The following LRP1B variants were observed in gnomAD, a reference collection of about 807,000 sequenced individuals.
LRP1B encodes the protein low-density lipoprotein receptor-related protein 1B.
LRP1B carries 217 observed loss-of-function variants against 556.6 expected under a neutral mutation model. The ratio of observed to expected loss-of-function variants is 0.39; its 90% CI spans 0.35 to 0.44. The LOEUF is 0.44. Among genes scored for constraint, LRP1B ranks in the 20% least tolerant of loss-of-function variants. The probability of loss-of-function intolerance (pLI) is 1.00; values close to 1 mark genes in which losing one functional copy is unlikely to be tolerated. For synonymous variants in LRP1B, 2,047 were observed against 1,865.8 expected, an observed-to-expected ratio of 1.10 and a Z score of -2.50; for missense variants, 5,053 against 5,620.8, an observed-to-expected ratio of 0.90 and a Z score of 3.23.
At chr2:140,657,656 C>CAT (rs1487642031) in intron 41 of LRP1B, among the ~76,000 whole-genome samples, 1 of 141,062 alleles carries the variant, frequency 7.1e-6, no homozygotes, top group Non-Finnish European at 1.5e-5. Context: ...TATATACATA[C>CAT]ATATATATAC....
intron 7 of LRP1B, among the ~76,000 whole-genome samples, chr2:141,168,147 A>G (rs563094703): frequency 6.6e-6 from 1 of 152,086 alleles, no homozygotes; most frequent in Non-Finnish European, 1.5e-5. Context: ...ACTTCAGCAC[A>G]TTTTATCCAT....
rs114000991 is a variant in LRP1B at position 140,561,300 on chromosome 2, C to G, written c.7195-19329G>C. ...AGAGATCCTGCCCCATACCGACACA[C>G]AGAATCCAAAAAGAATCTGACCACA... On this transcript the variant is annotated intron_variant, in intron 43 of 90. Coordinates refer to ENST00000389484, the MANE Select transcript of LRP1B (RefSeq NM_018557.3). Among the ~76,000 whole-genome samples the G allele has an allele frequency of 6.6e-3, 998 of 152,268 alleles. 8 individuals carry two copies. The highest frequency in any genetic ancestry group is 0.017 in the African/African-American group (694 of 41,558).
chr2:141,195,040 G>C (rs559570461), intron 6 of LRP1B, among the ~76,000 whole-genome samples: 12 of 152,206 alleles, frequency 7.9e-5, no homozygotes, highest in African/African-American at 2.4e-4. Flanking sequence ...CCTTTTAAGA[G>C]ATGAAGCTTA....
chr2:141,785,139 A>G (rs373936509), intron 2 of LRP1B, among the ~76,000 whole-genome samples: 23 of 152,080 alleles, frequency 1.5e-4, no homozygotes, highest in African/African-American at 5.5e-4. Context: ...CAAATGACAC[A>G]TATCACTTCT....
chr2:140,314,915 A>C lies in LRP1B; in HGVS notation c.12805+20T>G, dbSNP rs750498360. 4 of 1,547,232 alleles carry C rather than the reference A, an allele frequency of 2.6e-6. No homozygotes were observed. The East Asian group carries it at 9.3e-5, about 36-fold the overall frequency. On this transcript the variant is annotated intron_variant, in intron 83 of 90. Transcript: ENST00000389484. ...GAAAAGTGAAAAAGATGTGAAATAC[A>C]ATGACAATGAAATATTTACCTAGAA...
At chr2:140,420,853 G>A (rs1685409490) in intron 66 of LRP1B, among the ~76,000 whole-genome samples, 1 of 152,264 alleles carries the variant, frequency 6.6e-6, no homozygotes, top group Middle Eastern at 3.4e-3. Context: ...GGAAGCAGTG[G>A]GAGGGAAATT....
rs780939740 is a variant in LRP1B at position 140,475,206 on chromosome 2, C to T, written c.9557G>A (p.Arg3186His). ...ATTTTCATCGGCCCAGTAGAGTCTA[C>T]GATTAACATAATCTATTGTTAGTGC... ...PMALTIDYVN[R>H]RLYWADENHI... The change falls in exon 60 of 91, where the codon CGT becomes CAT. Residue 3186 changes from arginine to histidine, a missense_variant. Physicochemically the swap from Arg to His is conservative, Grantham distance 29. This residue lies in a region of LRP1B where 3,619 missense variants were observed against 3,931.9 expected (regional missense o/e 0.92). Transcript: ENST00000389484. The T allele has an allele frequency of 8.7e-6, 14 of 1,611,220 alleles. No homozygotes were observed. The highest frequency in any genetic ancestry group is 2.7e-5 in the African/African-American group (2 of 74,798).
chr2:140,809,702 G>T (rs1361787854), intron 32 of LRP1B, among the ~76,000 whole-genome samples: 1 of 152,166 alleles, frequency 6.6e-6, no homozygotes, highest in Non-Finnish European at 1.5e-5. Context: ...GTCTCACATG[G>T]TTTCTGTGGG....
intron 77 of LRP1B, among the ~76,000 whole-genome samples, chr2:140,340,922 AT>A (rs1681359107): frequency 6.6e-6 from 1 of 151,538 alleles, no homozygotes; most frequent in East Asian, 1.9e-4. Context: ...TCTTTATATA[AT>A]CATTTTGCAA....
At chr2:140,716,982 A>AT (rs1362625649) in intron 35 of LRP1B, among the ~76,000 whole-genome samples, 166 bp from the exon 36 acceptor site, 1 of 152,088 alleles carries the variant, frequency 6.6e-6, no homozygotes, top group African/African-American at 2.4e-5. Flanking sequence ...GTAAAAAAAA[A>AT]GCATGAAAAG....
chr2:142,130,484 G>A (rs922166495), intron 1 of LRP1B, among the ~76,000 whole-genome samples, 164 bp downstream of exon 1: 1 of 152,166 alleles, frequency 6.6e-6, no homozygotes, highest in African/African-American at 2.4e-5. Context: ...CAGAAATCCC[G>A]CACCGCACCT....
At chr2:141,459,141 A>G (rs1681756311) in intron 3 of LRP1B, among the ~76,000 whole-genome samples, 1 of 152,170 alleles carries the variant, frequency 6.6e-6, no homozygotes, top group African/African-American at 2.4e-5. Context: ...AAAAGCTCCC[A>G]GCGAACCTGG....
intron 3 of LRP1B, among the ~76,000 whole-genome samples, chr2:141,333,462 A>G (rs769927445): frequency 5.9e-5 from 9 of 152,166 alleles, no homozygotes; most frequent in Admixed American, 3.9e-4. Flanking sequence ...TTCTTATCAT[A>G]GTTTTCAAAT....
chr2:141,757,760 C>T (rs550514152), intron 2 of LRP1B, among the ~76,000 whole-genome samples: 112 of 152,086 alleles, frequency 7.4e-4, no homozygotes, highest in African/African-American at 2.3e-3. Flanking sequence ...TGATCTCATA[C>T]TCCTGGGCTC....
In LRP1B at chr2:140,841,059, C is replaced by G. The variant is rs2105098100; in HGVS notation, c.4973G>C (p.Trp1658Ser). Residue 1658 changes from tryptophan (W) to serine (S), a missense_variant, in exon 30 of 91, where the codon TGG becomes TCG. Around this residue, in one of 5 missense-constraint regions of LRP1B, gnomAD observed 3,619 missense variants for 3,931.9 expected, o/e 0.92. Transcript: ENST00000389484. ...IQSIRGLAVD[W>S]VSRNLYWISS... ...AATCCAGTATAAATTACGTGACACC[C>G]AATCCACTGCTAGCCCTCTGATACT... The G allele has an allele frequency of 6.2e-7, 1 of 1,612,180 alleles. No individual in the cohort carries two copies. Among genetic ancestry groups the G allele is most frequent in the South Asian group, 1.1e-5 (1 of 90,848 alleles).
chr2:140,815,676 T>A (rs1156852597), intron 31 of LRP1B, among the ~76,000 whole-genome samples: 1 of 152,154 alleles, frequency 6.6e-6, no homozygotes, highest in Non-Finnish European at 1.5e-5. Context: ...AAGCCATATA[T>A]TTAGGATGGT....
intron 77 of LRP1B, among the ~76,000 whole-genome samples, chr2:140,339,360 C>A (rs922133879): frequency 6.6e-6 from 1 of 151,706 alleles, no homozygotes; most frequent in Admixed American, 6.6e-5. Context: ...GAAAATACTG[C>A]TGTCTGTTTT....
chr2:141,309,906 G>C (rs1344551064), intron 3 of LRP1B, among the ~76,000 whole-genome samples: 1 of 152,020 alleles, frequency 6.6e-6, no homozygotes, highest in African/African-American at 2.4e-5. Context: ...AGAAAGATAA[G>C]TGTTCCTTAA....
intron 1 of LRP1B, among the ~76,000 whole-genome samples, chr2:142,002,060 T>C (rs1702671991): frequency 6.6e-6 from 1 of 152,174 alleles, no homozygotes; most frequent in Admixed American, 6.6e-5. Context: ...GCCAAAAGGA[T>C]GGCCTCCAGT....
Sources: gnomAD v4.1 joint callset for allele counts (sites outside exome capture counted in the v4.1 genomes callset) on GRCh38, gnomAD v4.1.1 for gene constraint, gnomAD v4.1.1 regional missense constraint, MANE v1.5 for transcripts, NCBI Gene and HGNC (gene_info 2026-07-23, HGNC 2026-07-21) for gene names.